The following LHFPL3 variants were observed in gnomAD, a reference collection of about 807,000 sequenced individuals.
LHFPL3 encodes the protein LHFPL tetraspan subfamily member 3 protein.
In LHFPL3, 5 loss-of-function variants were observed where a neutral mutation model predicts 19.3. The ratio of observed to expected loss-of-function variants is 0.26; its 90% CI spans 0.14 to 0.54. LHFPL3 has a LOEUF of 0.54. Among genes scored for constraint, LHFPL3 ranks in the 20% least tolerant of loss-of-function variants. The pLI is 0.94. For synonymous variants in LHFPL3, 133 were observed against 126.2 expected, an observed-to-expected ratio of 1.05 and a Z score of -0.36; for missense variants, 249 against 307.4, an observed-to-expected ratio of 0.81 and a Z score of 1.42.
At chr7:104,729,678 A>C (rs1184714444) in intron 1 of LHFPL3, among the ~76,000 whole-genome samples, 1 of 152,060 alleles carries the variant, frequency 6.6e-6, no homozygotes, top group African/African-American at 2.4e-5. Context: ...AGGTTCATTC[A>C]TGTTGCTGCA....
At chr7:104,383,617 G>A (rs1235664956) in intron 1 of LHFPL3, among the ~76,000 whole-genome samples, 3 of 152,110 alleles carry the variant, frequency 2.0e-5, no homozygotes, top group African/African-American at 7.2e-5. Context: ...ATTTTTAATT[G>A]ACTTGATTTC....
At chr7:104,517,312 T>C (rs10234047) in intron 1 of LHFPL3, among the ~76,000 whole-genome samples, 14,194 of 151,998 alleles carry the variant, frequency 0.093, 1,194 homozygotes, top group African/African-American at 0.23. Flanking sequence ...TTTAAAAAAA[T>C]TGTTAACCTT....
At chr7:104,553,117 G>C (rs184804435) in intron 1 of LHFPL3, among the ~76,000 whole-genome samples, 1 of 152,224 alleles carries the variant, frequency 6.6e-6, no homozygotes, top group East Asian at 1.9e-4. Context: ...CACACCTTCA[G>C]CTCAGAGTTA....
intron 2 of LHFPL3, among the ~76,000 whole-genome samples, chr7:104,856,240 A>ATTTTTTTTTT (rs750683276): frequency 1.5e-5 from 1 of 68,872 alleles, no homozygotes; most frequent in Non-Finnish European, 2.6e-5. Context: ...GTCCCAGGAA[A>ATTTTTTTTTT]TTTTTTTTTT....
At chr7:104,566,796 TTC>T (rs2115973118) in intron 1 of LHFPL3, among the ~76,000 whole-genome samples, 1 of 152,300 alleles carries the variant, frequency 6.6e-6, no homozygotes, top group East Asian at 1.9e-4. Flanking sequence ...TGCCATTCAT[TTC>T]TCTGTTTATT....
chr7:104,736,003 C>G (rs543751344), intron 1 of LHFPL3, among the ~76,000 whole-genome samples: 66 of 152,288 alleles, frequency 4.3e-4, no homozygotes, highest in Non-Finnish European at 6.9e-4. Context: ...AGTGGGATTG[C>G]TGAATCATAT....
intron 1 of LHFPL3, among the ~76,000 whole-genome samples, chr7:104,488,373 G>T (rs954061437): frequency 2.6e-5 from 4 of 152,114 alleles, no homozygotes; most frequent in African/African-American, 9.7e-5. Flanking sequence ...CTTTAGGGAG[G>T]ACTGCTCTTT....
chr7:104,343,957 T>G (rs1790012863), intron 1 of LHFPL3, among the ~76,000 whole-genome samples: 1 of 152,164 alleles, frequency 6.6e-6, no homozygotes, highest in Non-Finnish European at 1.5e-5. Flanking sequence ...ATGAAATGCT[T>G]TTAATATTTC....
chr7:104,416,907 G>A (rs1791632753), intron 1 of LHFPL3, among the ~76,000 whole-genome samples: 1 of 152,172 alleles, frequency 6.6e-6, no homozygotes, highest in African/African-American at 2.4e-5. Flanking sequence ...GCAAGAAAGG[G>A]GAAGAGAGCA....
At chr7:104,736,505 GCC>G (rs1171289674) in intron 1 of LHFPL3, among the ~76,000 whole-genome samples, 168 bp from the exon 2 acceptor site, 1 of 121,360 alleles carries the variant, frequency 8.2e-6, no homozygotes, top group South Asian at 2.3e-4. Context: ...ACGTTTGCAT[GCC>G]CACACACACA....
intron 1 of LHFPL3, among the ~76,000 whole-genome samples, chr7:104,424,210 A>G (rs938017548): frequency 3.3e-5 from 5 of 152,244 alleles, no homozygotes; most frequent in Non-Finnish European, 5.9e-5. Flanking sequence ...TATTATTATC[A>G]AGAAATTGGT....
chr7:104,661,474 G>A (rs1424642403), intron 1 of LHFPL3, among the ~76,000 whole-genome samples: 1 of 152,138 alleles, frequency 6.6e-6, no homozygotes, highest in African/African-American at 2.4e-5. Flanking sequence ...ATTAAATCAG[G>A]AAGTGAATGA....
intron 1 of LHFPL3, among the ~76,000 whole-genome samples, chr7:104,692,016 C>T (rs1390932717): frequency 1.3e-5 from 2 of 152,198 alleles, no homozygotes; most frequent in Non-Finnish European, 2.9e-5. Context: ...TCTTACTATA[C>T]TTTAGCAAAG....
chr7:104,376,225 TTTTTGTGCCAGG>T (rs1790711561), intron 1 of LHFPL3, among the ~76,000 whole-genome samples: 4 of 152,078 alleles, frequency 2.6e-5, no homozygotes. Context: ...TTGTGGGCAC[TTTTTGTGCCAGG>T]TTCTGTCCTA....
chr7:104,589,361 T>A (rs1193653568), intron 1 of LHFPL3, among the ~76,000 whole-genome samples: 3 of 152,246 alleles, frequency 2.0e-5, no homozygotes, highest in Non-Finnish European at 4.4e-5. Context: ...CTGCATCTAT[T>A]GAGATAATCA....
intron 1 of LHFPL3, among the ~76,000 whole-genome samples, chr7:104,503,364 G>A (rs2115739351): frequency 6.6e-6 from 1 of 151,898 alleles, no homozygotes; most frequent in Admixed American, 6.6e-5. Flanking sequence ...GCTGTCTCTG[G>A]CTTGTGGAAT....
At chr7:104,535,559 G>C (rs2115858033) in intron 1 of LHFPL3, among the ~76,000 whole-genome samples, 1 of 152,262 alleles carries the variant, frequency 6.6e-6, no homozygotes, top group Admixed American at 6.5e-5. Flanking sequence ...CAAGCATCCT[G>C]TTCTGTTCTG....
chr7:104,887,315 A>G (rs1792168921), intron 2 of LHFPL3, among the ~76,000 whole-genome samples: 2 of 152,228 alleles, frequency 1.3e-5, no homozygotes, highest in African/African-American at 4.8e-5. Context: ...ATTTAAGTGC[A>G]GGTCATTTTT....
At chr7:104,560,632 C>A (rs1157398566) in intron 1 of LHFPL3, among the ~76,000 whole-genome samples, 1 of 136,670 alleles carries the variant, frequency 7.3e-6, no homozygotes, top group Non-Finnish European at 1.6e-5. Flanking sequence ...AGAAAACCAG[C>A]TCTTGGATTC....
Sources: allele counts gnomAD v4.1 joint callset (sites outside exome capture counted in the v4.1 genomes callset), GRCh38; gene constraint gnomAD v4.1.1; transcripts MANE v1.5; gene names NCBI Gene and HGNC (gene_info 2026-07-23, HGNC 2026-07-21).